Variants in RALY observed in about 807,000 individuals in gnomAD.
RALY encodes the protein RALY heterogeneous nuclear ribonucleoprotein.
Under a neutral mutation model 30.7 loss-of-function variants are expected in RALY, and 15 were observed. The observed-to-expected ratio is 0.49, with a 90% CI of 0.33 to 0.75. The LOEUF (loss-of-function observed/expected upper bound fraction) is 0.75, where lower values mean the gene tolerates loss of function less well. Ranked by LOEUF, RALY falls within the 30% of genes least tolerant of loss-of-function variation. The pLI, the probability that RALY is intolerant of heterozygous loss-of-function variation, is 0.02. For missense variants in RALY, 339 were observed against 414.3 expected (o/e 0.82, Z 1.58); for synonymous variants, 177 against 170.8 (o/e 1.04, Z -0.28).
chr20:34,019,725 T>C (rs2031743114), intron 1 of RALY, among the ~76,000 whole-genome samples: 1 of 152,118 alleles, frequency 6.6e-6, no homozygotes, highest in African/African-American at 2.4e-5. Flanking sequence ...GGGACAACCA[T>C]ACACATACAA....
At chr20:34,011,635 C>CCACATTA (rs1163395602) in intron 1 of RALY, among the ~76,000 whole-genome samples, 3 of 152,130 alleles carry the variant, frequency 2.0e-5, no homozygotes, top group African/African-American at 4.8e-5. Context: ...GAACAAATTC[C>CCACATTA]CACATTAAAC....
intron 2 of RALY, among the ~76,000 whole-genome samples, chr20:34,069,012 T>C (rs563597260): frequency 1.3e-5 from 2 of 152,308 alleles, no homozygotes; most frequent in Non-Finnish European, 2.9e-5. Flanking sequence ...TGAGCATTTC[T>C]CCTTTTAACT....
intron 1 of RALY, among the ~76,000 whole-genome samples, chr20:33,998,378 G>A (rs1198312942): frequency 6.6e-6 from 1 of 152,172 alleles, no homozygotes; most frequent in East Asian, 1.9e-4. Context: ...TCAGGGAAGA[G>A]GCAGAGATAA....
chr20:34,042,039 A>G (rs1455243059), intron 2 of RALY, among the ~76,000 whole-genome samples: 2 of 152,168 alleles, frequency 1.3e-5, no homozygotes, highest in Non-Finnish European at 2.9e-5. Flanking sequence ...CGGGATTGCC[A>G]TCCCGGCGGG....
At chr20:34,037,636 A>G (rs914283005) in intron 2 of RALY, among the ~76,000 whole-genome samples, 1 of 152,214 alleles carries the variant, frequency 6.6e-6, no homozygotes, top group Non-Finnish European at 1.5e-5. Flanking sequence ...AAGGAATAAT[A>G]GTTTCTACCC....
intron 2 of RALY, among the ~76,000 whole-genome samples, chr20:34,060,670 A>G (rs377350326): frequency 3.3e-5 from 5 of 152,312 alleles, no homozygotes; most frequent in South Asian, 2.1e-4. Context: ...ACGACATTCC[A>G]TGTCCTGTCA....
At chr20:34,003,870 A>T (rs911015328) in intron 1 of RALY, among the ~76,000 whole-genome samples, 4 of 151,790 alleles carry the variant, frequency 2.6e-5, no homozygotes, top group African/African-American at 9.7e-5. Context: ...CGATCTCCTG[A>T]CCTCGTGATC....
Position 34,082,367 on chromosome 20 carries a change from A to G in RALY, c.*2462A>G, listed in dbSNP as rs963872651. The G allele has an allele frequency of 6.6e-6, 1 of 152,208 alleles. No individual in the cohort carries two copies. The allele number at this position is 152,208 out of a possible 1,614,324, so 9.4% of individuals were successfully genotyped here. A position where few individuals can be genotyped will look rare whatever the true frequency, so the allele number is the denominator to read the frequency against. On this transcript the variant is annotated 3_prime_UTR_variant, in exon 10 of 10. Transcript: ENST00000246194. The stretch of plus-strand genomic sequence containing the variant: ...GAATGAACCTCACACTGAGGGCACA[A>G]TAGCACTAGGCACTGCCCCCAGAGC...
At chr20:34,021,380 C>G (rs144823753) in intron 1 of RALY, among the ~76,000 whole-genome samples, 1 of 152,268 alleles carries the variant, frequency 6.6e-6, no homozygotes, top group East Asian at 1.9e-4. Flanking sequence ...AGTCCAAGAT[C>G]AAGGGGCCGC....
At chr20:34,045,474 G>T (rs2123149918) in intron 2 of RALY, among the ~76,000 whole-genome samples, 1 of 152,274 alleles carries the variant, frequency 6.6e-6, no homozygotes, top group Non-Finnish European at 1.5e-5. Context: ...CAGGAGATAA[G>T]GTTGGAGAGT....
chr20:34,024,389 A>T (rs1601428229), intron 1 of RALY, among the ~76,000 whole-genome samples: 1 of 152,214 alleles, frequency 6.6e-6, no homozygotes, highest in East Asian at 1.9e-4. Flanking sequence ...GCAGGGTTGG[A>T]TCTTCTAGGG....
At chr20:33,997,105 A>G (rs928927736) in intron 1 of RALY, among the ~76,000 whole-genome samples, 4 of 152,130 alleles carry the variant, frequency 2.6e-5, no homozygotes, top group Admixed American at 6.5e-5. Context: ...CAGTATCTGC[A>G]GAAGAGACCT....
chr20:34,077,742 G>A (rs545913196), intron 8 of RALY: 117 of 221,868 alleles, frequency 5.3e-4, no homozygotes, highest in African/African-American at 2.6e-3. Flanking sequence ...TTGAGTGGGA[G>A]GGTGGACCAA....
intron 1 of RALY, among the ~76,000 whole-genome samples, chr20:33,998,118 A>G (rs2030727255): frequency 6.6e-6 from 1 of 152,224 alleles, no homozygotes; most frequent in African/African-American, 2.4e-5. Flanking sequence ...TTCACTGAAG[A>G]ATTAATGAGC....
intron 1 of RALY, among the ~76,000 whole-genome samples, chr20:34,006,283 G>C (rs1009726283): frequency 2.0e-5 from 3 of 152,254 alleles, no homozygotes; most frequent in Admixed American, 1.3e-4. Flanking sequence ...TTTGTGCTTT[G>C]AAGAAAATCT....
intron 1 of RALY, among the ~76,000 whole-genome samples, chr20:34,026,868 ACT>A (rs1367652574): frequency 2.0e-5 from 3 of 152,030 alleles, no homozygotes; most frequent in Admixed American, 6.6e-5. Flanking sequence ...TGGGGCTGAG[ACT>A]CTGAATATGG....
chr20:34,002,541 G>GA lies in RALY; in HGVS notation c.-93+8414dup, dbSNP rs371680089. Among the ~76,000 whole-genome samples, 291 of 152,330 alleles carry GA rather than the reference G, an allele frequency of 1.9e-3. 2 individuals are homozygous for GA. The highest frequency in any genetic ancestry group is 6.7e-3 in the African/African-American group (278 of 41,560). Reference sequence around the variant, plus strand: ...TATATTTGGATTGAGGGTTCAAACGGAAAATAACATAATTGGTGGCTGTAT... The same window carrying GA: ...TATATTTGGATTGAGGGTTCAAACGGAAAAATAACATAATTGGTGGCTGTAT... On this transcript the variant is annotated intron_variant, in intron 1 of 9. Coordinates refer to ENST00000246194, the MANE Select transcript of RALY (RefSeq NM_016732.3).
At chr20:34,000,966 TGG>T (rs1168943811) in intron 1 of RALY, among the ~76,000 whole-genome samples, 4 of 152,210 alleles carry the variant, frequency 2.6e-5, no homozygotes, top group Non-Finnish European at 5.9e-5. Context: ...TTTGTGGAAG[TGG>T]CTTGAGAATT....
chr20:34,002,785 C>G (rs1031889230), intron 1 of RALY, among the ~76,000 whole-genome samples: 1 of 152,146 alleles, frequency 6.6e-6, no homozygotes, highest in Non-Finnish European at 1.5e-5. Flanking sequence ...CCACACAGTT[C>G]TCTGGCTGGC....
Sources: gnomAD v4.1 joint callset for allele counts (sites outside exome capture counted in the v4.1 genomes callset) on GRCh38, gnomAD v4.1.1 for gene constraint, MANE v1.5 for transcripts, NCBI Gene and HGNC (gene_info 2026-07-23, HGNC 2026-07-21) for gene names.